SCOC: variants seen among roughly 807,000 people sequenced by gnomAD.
The protein encoded by SCOC is short coiled coil protein.
A neutral mutation model predicts 9.9 loss-of-function variants in SCOC; 7 were observed. That is an observed-to-expected ratio of 0.71 (90% confidence interval 0.40 to 1.33). The LOEUF is 1.33. SCOC is among the 40% of genes most tolerant of loss of function. The pLI is 0.01. For synonymous variants in SCOC, 19 were observed against 28.2 expected (o/e 0.67, Z 1.03); for missense variants, 66 against 89.7 (o/e 0.74, Z 1.07).
At chr4:140,294,553 A>G (rs761394829) in intron 1 of SCOC, among the ~76,000 whole-genome samples, 1 of 152,204 alleles carries the variant, frequency 6.6e-6, no homozygotes, top group Non-Finnish European at 1.5e-5. Flanking sequence ...TCTCCTATTC[A>G]AAGACTTGGA....
chr4:140,306,680 C>T (rs561065369), intron 1 of SCOC, among the ~76,000 whole-genome samples: 4 of 152,244 alleles, frequency 2.6e-5, no homozygotes, highest in Admixed American at 2.0e-4. Context: ...AATACTACCA[C>T]TTCTTTCTTT....
intron 1 of SCOC, among the ~76,000 whole-genome samples, chr4:140,335,534 C>T (rs186899689): frequency 3.9e-4 from 59 of 152,306 alleles, no homozygotes; most frequent in Admixed American, 1.2e-3. Context: ...CAAATAGTTT[C>T]GCATGAAATT....
At chr4:140,321,033 C>A (rs552344079) in intron 1 of SCOC, among the ~76,000 whole-genome samples, 4 of 152,054 alleles carry the variant, frequency 2.6e-5, no homozygotes, top group Non-Finnish European at 2.9e-5. Flanking sequence ...AGACTCTCTC[C>A]GGAGGATAGT....
intron 1 of SCOC, among the ~76,000 whole-genome samples, chr4:140,295,413 G>T (rs935928491): frequency 6.6e-6 from 1 of 152,236 alleles, no homozygotes; most frequent in African/African-American, 2.4e-5. Flanking sequence ...GCCATGTGGA[G>T]GTTGGAGCCA....
chr4:140,368,079 T>G (rs950654424), intron 2 of SCOC, among the ~76,000 whole-genome samples: 5 of 152,226 alleles, frequency 3.3e-5, no homozygotes, highest in Admixed American at 2.0e-4. Flanking sequence ...TTTCAAATAT[T>G]TGAATGCTGT....
intron 2 of SCOC, among the ~76,000 whole-genome samples, chr4:140,347,908 T>C (rs1578837464): frequency 6.6e-6 from 1 of 152,254 alleles, no homozygotes; most frequent in Non-Finnish European, 1.5e-5. Context: ...TTTGTTTGCA[T>C]GTTAAATTTA....
chr4:140,265,246 G>C (rs916480354), intron 1 of SCOC, among the ~76,000 whole-genome samples: 1 of 152,174 alleles, frequency 6.6e-6, no homozygotes, highest in African/African-American at 2.4e-5. Context: ...AATGGTTGTA[G>C]TTCCCAAAAG....
chr4:140,350,854 G>A (rs1290519391), intron 2 of SCOC, among the ~76,000 whole-genome samples: 1 of 152,122 alleles, frequency 6.6e-6, no homozygotes, highest in Non-Finnish European at 1.5e-5. Context: ...TCCTTCCTCT[G>A]TTGCCCACTT....
intron 1 of SCOC, among the ~76,000 whole-genome samples, chr4:140,299,122 A>T (rs1019081876): frequency 3.9e-5 from 6 of 152,174 alleles, no homozygotes; most frequent in Non-Finnish European, 8.8e-5. Context: ...CCAGCTTTTT[A>T]AAAAAATTTT....
chr4:140,269,956 G>T (rs1430273143), intron 1 of SCOC, among the ~76,000 whole-genome samples: 1 of 152,102 alleles, frequency 6.6e-6, no homozygotes, highest in Non-Finnish European at 1.5e-5. Flanking sequence ...TTGCTAGCTT[G>T]CCCAGGCTGG....
At chr4:140,350,292 G>C (rs1225255985) in intron 2 of SCOC, among the ~76,000 whole-genome samples, 1 of 152,050 alleles carries the variant, frequency 6.6e-6, no homozygotes, top group African/African-American at 2.4e-5. Flanking sequence ...TAGACTGCGA[G>C]CTTCTAAAAC....
In SCOC at chr4:140,272,222, AT is replaced by A. The variant is rs10685796; in HGVS notation, c.-19+14827del. ...TCACCACCATGCCCACCTACCTTTA[AT>A]TTTTTTTTTTTTTTATAGACCAGGT... On this transcript the variant is annotated intron_variant, in intron 1 of 4. Coordinates refer to the SCOC transcript ENST00000394205. Among the ~76,000 whole-genome samples the A allele has an allele frequency of 4.4e-3, 625 of 142,116 alleles. 1 individual carries two copies. The highest frequency in any genetic ancestry group is 0.029 in the Middle Eastern group (8 of 276). The allele number at this position is 142,116 out of a possible 152,430, so 93.2% of individuals were successfully genotyped here. A position where few individuals can be genotyped will look rare whatever the true frequency, so the allele number is the denominator to read the frequency against.
In SCOC at chr4:140,385,091, C is replaced by A. The variant is rs1226616063; in HGVS notation, c.*3987C>A. The A allele has an allele frequency of 1.3e-5, 2 of 152,204 alleles. No homozygotes were observed. The highest frequency in any genetic ancestry group is 4.8e-5 in the African/African-American group (2 of 41,436). The allele number at this position is 152,204 out of a possible 1,614,324, so 9.4% of individuals were successfully genotyped here. Reference sequence around the variant, plus strand: ...AGCATCCCAAATAGTTTAAGGCACCCATTTTCCCCACTGTTTCCCAATACA... The same window carrying A: ...AGCATCCCAAATAGTTTAAGGCACCAATTTTCCCCACTGTTTCCCAATACA... On this transcript the variant is annotated 3_prime_UTR_variant, in exon 4 of 4. Transcript: ENST00000608372.
intron 2 of SCOC, among the ~76,000 whole-genome samples, chr4:140,354,196 A>AT (rs556010205): frequency 3.1e-4 from 47 of 150,270 alleles, no homozygotes; most frequent in Middle Eastern, 3.4e-3. Flanking sequence ...TGTTTAGAAG[A>AT]TTTTTTTTTT....
chr4:140,295,860 G>A (rs1479200461), intron 1 of SCOC, among the ~76,000 whole-genome samples: 1 of 151,146 alleles, frequency 6.6e-6, no homozygotes, highest in Admixed American at 6.6e-5. Context: ...GAACCCGGGA[G>A]GCGGAGCTTG....
At chr4:140,353,355 AAAGAG>A (rs897017253) in intron 2 of SCOC, among the ~76,000 whole-genome samples, 3 of 152,138 alleles carry the variant, frequency 2.0e-5, no homozygotes, top group African/African-American at 7.2e-5. Flanking sequence ...ACTGCTCCAG[AAAGAG>A]GTGTTTTGCT....
At chr4:140,281,570 G>A (rs1409859474) in intron 1 of SCOC, among the ~76,000 whole-genome samples, 1 of 152,176 alleles carries the variant, frequency 6.6e-6, no homozygotes, top group Admixed American at 6.5e-5. Flanking sequence ...CTTGCTTTGT[G>A]GCCTCAGTCT....
chr4:140,265,823 T>C (rs1244573015), intron 1 of SCOC, among the ~76,000 whole-genome samples: 1 of 152,220 alleles, frequency 6.6e-6, no homozygotes, highest in East Asian at 1.9e-4. Flanking sequence ...CCCATCTCTG[T>C]AGCACACTTA....
At chr4:140,369,769 CATGA>C (rs1560725805), upstream of SCOC, among the ~76,000 whole-genome samples, 1 of 151,168 alleles carries the variant, frequency 6.6e-6, no homozygotes, top group African/African-American at 2.4e-5. Context: ...GTCCAGGTCG[CATGA>C]ATGTTCACCT....
Sources: gnomAD v4.1 joint callset for allele counts (sites outside exome capture counted in the v4.1 genomes callset) on GRCh38, gnomAD v4.1.1 for gene constraint, MANE v1.5 for transcripts, NCBI Gene and HGNC (gene_info 2026-07-23, HGNC 2026-07-21) for gene names.